The following HIVEP3 variants were observed in gnomAD, a reference collection of about 807,000 sequenced individuals.
HIVEP3 encodes the protein HIVEP zinc finger 3, also known as transcription factor HIVEP3.
HIVEP3 carries 49 observed loss-of-function variants against 152.8 expected under a neutral mutation model. The observed-to-expected ratio is 0.32, with a 90% CI of 0.26 to 0.41. The LOEUF is 0.41. Among genes scored for constraint, HIVEP3 ranks in the 10% least tolerant of loss-of-function variants. HIVEP3 has a pLI of 1.00. For missense variants in HIVEP3, 2,790 were observed against 3,103.3 expected, an observed-to-expected ratio of 0.90 and a Z score of 2.40; for synonymous variants, 1,269 against 1,289.0, an observed-to-expected ratio of 0.98 and a Z score of 0.33.
At chr1:41,617,883 T>TC (rs397812178) in intron 3 of HIVEP3, among the ~76,000 whole-genome samples, 1 of 151,462 alleles carries the variant, frequency 6.6e-6, no homozygotes, top group African/African-American at 2.4e-5. Flanking sequence ...TAAGCATCTT[T>TC]TAGTTCAGTG....
chr1:41,528,236 T>C (rs1569755002), intron 5 of HIVEP3, among the ~76,000 whole-genome samples: 1 of 51,658 alleles, frequency 1.9e-5, no homozygotes, highest in African/African-American at 8.0e-5. Context: ...CCTCACACCC[T>C]CACACACTCA....
intron 2 of HIVEP3, among the ~76,000 whole-genome samples, chr1:41,678,374 C>T (rs1281468510): frequency 6.6e-6 from 1 of 152,210 alleles, no homozygotes; most frequent in East Asian, 1.9e-4. Flanking sequence ...TCTCCTTAGC[C>T]AGCTCTGGCT....
Position 41,510,745 on chromosome 1 carries a change from G to A in HIVEP3, c.6927C>T (p.Cys2309=), listed in dbSNP as rs775539849. The change falls in exon 9 of 9, where the codon TGC becomes TGT. Residue 2309 remains cysteine (C), a synonymous_variant. Transcript: ENST00000372583. ...PAEPTPTHSP[C]TPPDTLPRPP... is the part of the protein sequence containing the mutation. ...GCCGGGGCAAGGTGTCGGGTGGGGT[G>A]CAGGGGCTGTGCGTGGGTGTGGGCT... 6 of 1,575,274 alleles carry A rather than the reference G, an allele frequency of 3.8e-6. No homozygotes were observed. Among genetic ancestry groups the A allele is most frequent in the South Asian group, 3.4e-5 (3 of 87,140 alleles).
chr1:41,580,815 G>A lies in HIVEP3; in HGVS notation c.3983C>T (p.Pro1328Leu), dbSNP rs762656090. 1.1e-5 allele frequency: 18 copies of A among 1,580,374 alleles called. No individual in the cohort carries two copies. The highest frequency in any genetic ancestry group is 3.5e-5 in the Admixed American group (2 of 57,070). The change falls in exon 4 of 9, where the codon CCG (proline) becomes CTG (leucine). Residue 1328 changes from proline to leucine, a missense_variant. Physicochemically the swap from Pro to Leu is moderately conservative, Grantham distance 98. Around this residue, in one of 9 missense-constraint regions of HIVEP3, gnomAD observed 1,078 missense variants for 1,165.3 expected, o/e 0.93. Transcript: ENST00000372583. ...GGTGTACATTGCGCTCCCATAGGACGGCATATTGGTCTGAACACGGACAGG... is the reference window on the plus strand; with the variant it reads ...GGTGTACATTGCGCTCCCATAGGACAGCATATTGGTCTGAACACGGACAGG... ...VVPVRVQTNM[P>L]SYGSAMYTTL...
intron 2 of HIVEP3, among the ~76,000 whole-genome samples, chr1:41,630,735 G>A (rs1182553011): frequency 1.3e-5 from 2 of 152,158 alleles, no homozygotes; most frequent in Non-Finnish European, 2.9e-5. Flanking sequence ...ATTCAGCCCT[G>A]AGCAGAGAAT....
At chr1:41,578,295 A>G (rs985112263) in intron 4 of HIVEP3, among the ~76,000 whole-genome samples, 1 of 152,264 alleles carries the variant, frequency 6.6e-6, no homozygotes, top group African/African-American at 2.4e-5. Context: ...ATGAATAATT[A>G]TAACAGCATC....
At chr1:41,685,724 TA>T (rs1646104355) in intron 2 of HIVEP3, among the ~76,000 whole-genome samples, 1 of 152,228 alleles carries the variant, frequency 6.6e-6, no homozygotes, top group African/African-American at 2.4e-5. Flanking sequence ...TACTTGAACT[TA>T]TTTGTTTTCT....
In HIVEP3 at chr1:41,918,166, G is replaced by A. The variant is rs1390450587; in HGVS notation, c.-801+247C>T. Reference sequence around the variant, plus strand: ...GACGCGCGGGGGTCACTTGAGGCTCGCGCCGCTCCCCAGCACCAGGCCGAG... The same window carrying A: ...GACGCGCGGGGGTCACTTGAGGCTCACGCCGCTCCCCAGCACCAGGCCGAG... On this transcript the variant is annotated intron_variant, in intron 1 of 8. Transcript: ENST00000372583. This position sits in a 1 kb window ranked among gnomAD's most constrained non-coding sequence, Gnocchi z 4.3. Among the ~76,000 whole-genome samples the A allele has an allele frequency of 6.6e-6, 1 of 151,970 alleles. No individual in the cohort carries two copies. The highest frequency in any genetic ancestry group is 2.4e-5 in the African/African-American group (1 of 41,414).
intron 1 of HIVEP3, among the ~76,000 whole-genome samples, chr1:41,864,815 A>C (rs150461610): frequency 5.2e-4 from 79 of 152,342 alleles, no homozygotes; most frequent in African/African-American, 1.8e-3. Flanking sequence ...TAAAGACAGA[A>C]CGACCCACTC....
At position 41,716,829 on chromosome 1, in the gene HIVEP3, G is replaced by A. The variant is rs1033631701; in HGVS notation, c.-800-15834C>T. ...AGGAGAGGGAGATGTGAACGAAGCC[G>A]GTTAGAAGCCAGGCTGCATCAGACA... On this transcript the variant is annotated intron_variant, in intron 1 of 8. Coordinates refer to ENST00000372583, the MANE Select transcript of HIVEP3 (RefSeq NM_024503.5). Among the ~76,000 whole-genome samples the A allele has an allele frequency of 4.6e-5, 7 of 152,296 alleles. No homozygotes were observed. In the South Asian group the frequency reaches 1.2e-3, roughly 27 times the overall value.
At chr1:41,552,324 G>A (rs1057210343) in intron 5 of HIVEP3, among the ~76,000 whole-genome samples, 9 of 149,028 alleles carry the variant, frequency 6.0e-5, no homozygotes, top group African/African-American at 9.9e-5. Flanking sequence ...CCACTAACTC[G>A]TCATCTAGCA....
rs74630701 is a variant in HIVEP3, at chr1:42,004,280, G to C, written n.119+31527C>G. On this transcript the variant is annotated intron_variant and non_coding_transcript_variant, in intron 1 of 3. Coordinates refer to the HIVEP3 transcript ENST00000489103. ...GTAGGCATTCTAAGCCTTAATATGT[G>C]GCAAAGACAGCAGGGGCTCATGACT... 2.0e-5 allele frequency among the ~76,000 whole-genome samples: 3 copies of C among 152,312 alleles called. No homozygotes were observed. In the East Asian group the frequency reaches 5.8e-4, roughly 29 times the overall value.
intron 1 of HIVEP3, among the ~76,000 whole-genome samples, chr1:41,775,236 C>T (rs1648621116): frequency 6.6e-6 from 1 of 152,160 alleles, no homozygotes; most frequent in Admixed American, 6.5e-5. Flanking sequence ...ATTCTGGATA[C>T]AAGACAAACA....
chr1:41,526,545 ACTCACC>A (rs533041705), intron 5 of HIVEP3, among the ~76,000 whole-genome samples: 985 of 52,850 alleles, frequency 0.019, 38 homozygotes, highest in African/African-American at 0.086. Flanking sequence ...ACACCCCCAC[ACTCACC>A]CTCACCCTCA....
At chr1:41,995,204 A>T (rs990407047) in intron 1 of HIVEP3, among the ~76,000 whole-genome samples, 1 of 152,056 alleles carries the variant, frequency 6.6e-6, no homozygotes, top group Non-Finnish European at 1.5e-5. Context: ...GAAGAAACCC[A>T]CTCCTAGACA....
rs1206059059 is a variant in HIVEP3, at chr1:42,035,831, G to A, written n.95C>T. On this transcript the variant is annotated non_coding_transcript_exon_variant, in exon 1 of 4. Transcript: ENST00000489103. ...CCTGCGCGCCGGGCCGGGGCGGCGG[G>A]AGGCGGCTTGGGATGCCGGGGTGGC... 2.7e-5 allele frequency: 4 copies of A among 150,456 alleles called. No individual in the cohort carries two copies. In the East Asian group the frequency reaches 7.8e-4, roughly 29 times the overall value. 9.3% of individuals were successfully genotyped at this position (150,456 alleles called of 1,614,324 possible).
At chr1:41,923,091 T>C (rs542715062), upstream of HIVEP3, among the ~76,000 whole-genome samples, 1 of 152,272 alleles carries the variant, frequency 6.6e-6, no homozygotes, top group South Asian at 2.1e-4. Flanking sequence ...CAAAATGGTA[T>C]AGTACAAATA....
intron 1 of HIVEP3, among the ~76,000 whole-genome samples, chr1:41,960,649 T>C (rs1192221981): frequency 6.6e-6 from 1 of 152,226 alleles, no homozygotes; most frequent in Non-Finnish European, 1.5e-5. Context: ...TTGGAGGTTT[T>C]TCCTAAGAGC....
At chr1:41,862,090 C>T (rs577512256) in intron 1 of HIVEP3, among the ~76,000 whole-genome samples, 9 of 152,216 alleles carry the variant, frequency 5.9e-5, no homozygotes, top group South Asian at 2.1e-4. Context: ...GACACAGGTT[C>T]GAGCAGCTTT....
Sources: allele counts gnomAD v4.1 joint callset (sites outside exome capture counted in the v4.1 genomes callset), GRCh38; gene constraint gnomAD v4.1.1; regional missense constraint gnomAD v4.1.1; non-coding constraint Gnocchi (gnomAD v3.1); transcripts MANE v1.5; gene names NCBI Gene and HGNC (gene_info 2026-07-23, HGNC 2026-07-21).